Variants in CBLB observed in about 807,000 individuals in gnomAD.
The protein encoded by CBLB is E3 ubiquitin-protein ligase CBL-B.
A neutral mutation model predicts 104.9 loss-of-function variants in CBLB; 31 were observed. The ratio of observed to expected loss-of-function variants is 0.30; its 90% confidence interval spans 0.22 to 0.40. The LOEUF is 0.40. Among genes scored for constraint, CBLB ranks in the 10% least tolerant of loss-of-function variants. CBLB has a pLI of 1.00. For missense variants in CBLB, 1,062 were observed against 1,214.6 expected, an observed-to-expected ratio of 0.87 and a Z score of 1.87; for synonymous variants, 440 against 422.6, an observed-to-expected ratio of 1.04 and a Z score of -0.51.
At chr3:105,761,071 CA>C (rs1336361742) in intron 4 of CBLB, among the ~76,000 whole-genome samples, 2 of 152,120 alleles carry the variant, frequency 1.3e-5, no homozygotes, top group East Asian at 3.9e-4. Flanking sequence ...CTCATTCTGT[CA>C]CCCAGGCTGG....
chr3:105,847,494 T>C (rs1048181529), intron 3 of CBLB, among the ~76,000 whole-genome samples: 1 of 151,714 alleles, frequency 6.6e-6, no homozygotes, highest in South Asian at 2.1e-4. Flanking sequence ...GGCTCTGAAA[T>C]GACATTAATG....
intron 1 of CBLB, among the ~76,000 whole-genome samples, chr3:105,867,828 G>T (rs2092515456): frequency 6.6e-6 from 1 of 151,252 alleles, no homozygotes; most frequent in Admixed American, 6.6e-5. Context: ...AGTTAAAGAT[G>T]CATCCTGCTC....
At chr3:105,737,756 T>C (rs2075110113) in intron 7 of CBLB, among the ~76,000 whole-genome samples, 2 of 152,180 alleles carry the variant, frequency 1.3e-5, no homozygotes, top group South Asian at 4.1e-4. Context: ...ACAGTTTCCA[T>C]ATCTCTTCTC....
chr3:105,729,746 T>C (rs186436547), intron 9 of CBLB, among the ~76,000 whole-genome samples: 1 of 152,106 alleles, frequency 6.6e-6, no homozygotes, highest in Non-Finnish European at 1.5e-5. Context: ...CTAGGTGAGA[T>C]TACAGATACG....
At chr3:105,862,172 T>C (rs2092144671) in intron 2 of CBLB, among the ~76,000 whole-genome samples, 1 of 152,258 alleles carries the variant, frequency 6.6e-6, no homozygotes, top group African/African-American at 2.4e-5. Flanking sequence ...CTCTGACAGT[T>C]ATATAGCTTG....
intron 7 of CBLB, among the ~76,000 whole-genome samples, chr3:105,739,825 C>T (rs753552839): frequency 6.6e-6 from 1 of 152,160 alleles, no homozygotes; most frequent in Non-Finnish European, 1.5e-5. Flanking sequence ...GTGAAACTGG[C>T]TGGGCACAGT....
intron 3 of CBLB, among the ~76,000 whole-genome samples, chr3:105,819,306 G>GTT (rs2085488675): frequency 6.6e-6 from 1 of 152,130 alleles, no homozygotes; most frequent in Admixed American, 6.5e-5. Flanking sequence ...GGCCAACACT[G>GTT]TAAGACCCTG....
In CBLB at chr3:105,843,275, G is replaced by T. The variant is rs114255208; in HGVS notation, c.419+10139C>A. On this transcript the variant is annotated intron_variant, in intron 3 of 18. Coordinates refer to ENST00000394030, the MANE Select transcript of CBLB (RefSeq NM_170662.5). ...AAATTGATTTCCTAAAATTTGAATT[G>T]AAATCATGTTTAATACTCCATATTT... 7.9e-3 allele frequency among the ~76,000 whole-genome samples: 1,206 copies of T among 152,236 alleles called. 16 individuals are homozygous for T. Among genetic ancestry groups the T allele is most frequent in the African/African-American group, 0.027 (1,131 of 41,538 alleles).
At chr3:105,744,620 T>C (rs543128923) in intron 6 of CBLB, among the ~76,000 whole-genome samples, 4 of 152,148 alleles carry the variant, frequency 2.6e-5, no homozygotes, top group East Asian at 1.9e-4. Flanking sequence ...ATCAGCACTA[T>C]TGGCTTGCAC....
intron 4 of CBLB, among the ~76,000 whole-genome samples, chr3:105,767,455 A>G (rs1355318421): frequency 1.3e-5 from 2 of 152,100 alleles, no homozygotes; most frequent in Non-Finnish European, 2.9e-5. Flanking sequence ...ATTGAGCTAT[A>G]AATAAACCAT....
intron 2 of CBLB, among the ~76,000 whole-genome samples, chr3:105,866,397 C>T (rs1424838443): frequency 8.5e-5 from 13 of 152,186 alleles, no homozygotes; most frequent in Non-Finnish European, 1.9e-4. Context: ...CATCCTTACA[C>T]AGAAATTTGT....
chr3:105,760,942 A>T (rs2077560918), intron 4 of CBLB, among the ~76,000 whole-genome samples: 1 of 152,238 alleles, frequency 6.6e-6, no homozygotes, highest in Non-Finnish European at 1.5e-5. Context: ...CCAACATTTA[A>T]AATAAGGAAG....
intron 3 of CBLB, among the ~76,000 whole-genome samples, chr3:105,825,643 T>C (rs986545783): frequency 6.6e-6 from 1 of 152,158 alleles, no homozygotes; most frequent in African/African-American, 2.4e-5. Flanking sequence ...AGATTAACAA[T>C]AGCAGATTTT....
chr3:105,798,290 A>C (rs2082458480), intron 3 of CBLB, among the ~76,000 whole-genome samples: 1 of 152,192 alleles, frequency 6.6e-6, no homozygotes, highest in Non-Finnish European at 1.5e-5. Flanking sequence ...TTACTTATTC[A>C]AATGTTGAAA....
chr3:105,726,547 T>C (rs1000728979), intron 9 of CBLB, among the ~76,000 whole-genome samples: 3 of 123,766 alleles, frequency 2.4e-5, no homozygotes, highest in African/African-American at 5.8e-5. Flanking sequence ...CCATTTTCCT[T>C]TTTTTTTTTT....
At position 105,734,073 on chromosome 3, in the gene CBLB, T is replaced by C; in HGVS notation, c.1139A>G (p.Asp380Gly). 1 of 1,613,960 alleles carries C rather than the reference T, an allele frequency of 6.2e-7. No individual in the cohort carries two copies. The highest frequency in any genetic ancestry group is 8.5e-7 in the Non-Finnish European group (1 of 1,179,806). Residue 380 changes from aspartate (D) to glycine (G), a missense_variant, in exon 9 of 19, where the codon GAC becomes GGC. By Grantham distance (94) the Asp-to-Gly change is moderately conservative (BLOSUM62 -1). This residue lies in a region of CBLB where 457 missense variants were observed against 632.0 expected (regional missense o/e 0.72). Coordinates refer to ENST00000394030, the MANE Select transcript of CBLB (RefSeq NM_170662.5). Reference sequence around the variant, plus strand: ...ACAAGGCTCAATCTTGACATCTTTGTCATTCTCTGCACAAATCTTACAGAG... The same window carrying C: ...ACAAGGCTCAATCTTGACATCTTTGCCATTCTCTGCACAAATCTTACAGAG... ...FQLCKICAEN[D>G]KDVKIEPCGH...
intron 3 of CBLB, among the ~76,000 whole-genome samples, chr3:105,805,199 T>C (rs565917170): frequency 1.3e-5 from 2 of 152,126 alleles, no homozygotes; most frequent in African/African-American, 2.4e-5. Context: ...CTAATTTTTA[T>C]AAAGTTCGCA....
chr3:105,804,140 G>T lies in CBLB; in HGVS notation c.420-27598C>A, dbSNP rs138155814. On this transcript the variant is annotated intron_variant, in intron 3 of 18. Transcript: ENST00000394030. ...AAATGCCCAAATGGTGGTCACTCAG[G>T]ATGTGTGCTACTCTGCACTTCAAAT... is the stretch of plus-strand genomic sequence containing the variant. Among the ~76,000 whole-genome samples, 94 of 152,248 alleles carry T rather than the reference G, an allele frequency of 6.2e-4. No homozygotes were observed. In the East Asian group the frequency reaches 0.017, roughly 28 times the overall value.
chr3:105,798,935 C>T (rs577149642), intron 3 of CBLB, among the ~76,000 whole-genome samples: 1 of 152,116 alleles, frequency 6.6e-6, no homozygotes, highest in South Asian at 2.1e-4. Flanking sequence ...CAAAAGGTGA[C>T]TAATTAAGTT....
Sources: gnomAD v4.1 joint callset for allele counts (sites outside exome capture counted in the v4.1 genomes callset) on GRCh38, gnomAD v4.1.1 for gene constraint, gnomAD v4.1.1 regional missense constraint, MANE v1.5 for transcripts, NCBI Gene and HGNC (gene_info 2026-07-23, HGNC 2026-07-21) for gene names.